Variants in VAV3 observed in about 807,000 individuals in gnomAD.
VAV3 encodes guanine nucleotide exchange factor VAV3.
A neutral mutation model predicts 131.2 loss-of-function variants in VAV3; 94 were observed. The ratio of observed to expected loss-of-function variants is 0.72; its 90% confidence interval spans 0.61 to 0.85. The LOEUF is 0.85. VAV3 is among the 40% of genes least tolerant of loss of function. The pLI is 0.00. For synonymous variants in VAV3, 349 were observed against 342.0 expected (o/e 1.02, Z -0.22); for missense variants, 939 against 1,002.7 (o/e 0.94, Z 0.86).
chr1:107,803,848 G>T (rs560664436), intron 2 of VAV3, among the ~76,000 whole-genome samples: 3 of 152,104 alleles, frequency 2.0e-5, no homozygotes, highest in Admixed American at 6.6e-5. Context: ...AGAGTGGAGT[G>T]TTAAAGTCCA....
chr1:107,899,481 G>A (rs1671758448), intron 1 of VAV3, among the ~76,000 whole-genome samples: 1 of 152,170 alleles, frequency 6.6e-6, no homozygotes, highest in Admixed American at 6.5e-5. Flanking sequence ...GCTATAATGG[G>A]ATGCATTGTG....
In VAV3 at chr1:107,749,445, A is replaced by G. The variant is rs374350748; in HGVS notation, c.1392+17T>C. ...AGATTATAAGTAAATTACAGTTATT[A>G]GTTTCCAAAAAGTCACCTTTTTGTT... On this transcript the variant is annotated intron_variant, in intron 14 of 26. Transcript: ENST00000370056. 5 of 1,584,436 alleles carry G rather than the reference A, an allele frequency of 3.2e-6. No individual in the cohort carries two copies. In the African/African-American group the frequency reaches 6.9e-5, roughly 22 times the overall value.
intron 1 of VAV3, among the ~76,000 whole-genome samples, chr1:107,895,173 A>C (rs762831966): frequency 2.6e-5 from 4 of 152,146 alleles, no homozygotes; most frequent in Non-Finnish European, 4.4e-5. Flanking sequence ...GGCTGCAATG[A>C]TCATGAGAAC....
chr1:107,826,178 T>C (rs1668001391), intron 2 of VAV3, among the ~76,000 whole-genome samples: 1 of 152,178 alleles, frequency 6.6e-6, no homozygotes, highest in Non-Finnish European at 1.5e-5. Context: ...TGCCTTGCAA[T>C]GTTGTAAATT....
chr1:107,731,122 T>C (rs904172889), intron 15 of VAV3, among the ~76,000 whole-genome samples: 8 of 152,194 alleles, frequency 5.3e-5, no homozygotes, highest in African/African-American at 1.9e-4. Context: ...TAAATACTCT[T>C]AACATTAAAG....
rs1649658612 is a variant in VAV3 at position 107,576,466 on chromosome 1, A to G, written c.2351-2268T>C. ...AGTTACAAAAGAAAAGCCACAGAACAAAGAGGGGGCTTTGAGAAAGAAAGA... is the reference window on the plus strand; with the variant it reads ...AGTTACAAAAGAAAAGCCACAGAACGAAGAGGGGGCTTTGAGAAAGAAAGA... On this transcript the variant is annotated intron_variant, in intron 25 of 26. Coordinates refer to ENST00000370056, the MANE Select transcript of VAV3 (RefSeq NM_006113.5). 7 of 1,509,022 alleles carry G rather than the reference A, an allele frequency of 4.6e-6. No individual in the cohort carries two copies. The South Asian group carries it at 6.3e-5, about 14-fold the overall frequency. 93.5% of individuals were successfully genotyped at this position (1,509,022 alleles called of 1,614,324 possible). A position where few individuals can be genotyped will look rare whatever the true frequency, so the allele number is the denominator to read the frequency against.
chr1:107,942,370 A>G (rs1168226614), intron 1 of VAV3, among the ~76,000 whole-genome samples: 1 of 152,188 alleles, frequency 6.6e-6, no homozygotes, highest in Non-Finnish European at 1.5e-5. Context: ...TACAAAATGC[A>G]AGACCATATC....
At chr1:107,659,247 T>C (rs999690024) in intron 19 of VAV3, among the ~76,000 whole-genome samples, 6 of 152,152 alleles carry the variant, frequency 3.9e-5, no homozygotes, top group African/African-American at 1.4e-4. Context: ...AGCATTTTTA[T>C]GTTAAGATAT....
intron 25 of VAV3, among the ~76,000 whole-genome samples, chr1:107,591,743 C>A (rs1042890399): frequency 1.3e-5 from 2 of 152,138 alleles, no homozygotes; most frequent in Admixed American, 1.3e-4. Flanking sequence ...CAAATGTTAA[C>A]ATTTTATGAT....
chr1:107,698,157 C>G (rs1169010422), intron 17 of VAV3, among the ~76,000 whole-genome samples: 1 of 152,190 alleles, frequency 6.6e-6, no homozygotes, highest in African/African-American at 2.4e-5. Flanking sequence ...AATGAGTTAA[C>G]AATGGTAAAG....
intron 1 of VAV3, among the ~76,000 whole-genome samples, chr1:107,923,492 A>G (rs778914912): frequency 4.0e-5 from 6 of 151,312 alleles, no homozygotes; most frequent in Non-Finnish European, 8.9e-5. Context: ...CACTGCTATT[A>G]AAAAAAAATA....
chr1:107,697,250 C>A (rs1659802480), intron 17 of VAV3, among the ~76,000 whole-genome samples: 1 of 151,940 alleles, frequency 6.6e-6, no homozygotes, highest in African/African-American at 2.4e-5. Context: ...CCCAGCAAAC[C>A]CCGATCTGAG....
At chr1:107,858,540 C>T (rs771326393) in intron 2 of VAV3, among the ~76,000 whole-genome samples, 3 of 152,154 alleles carry the variant, frequency 2.0e-5, no homozygotes, top group Non-Finnish European at 4.4e-5. Context: ...CTGAGCTCTG[C>T]CTAGAGTCAG....
chr1:107,839,283 T>C (rs929948959), intron 2 of VAV3, among the ~76,000 whole-genome samples: 1 of 152,136 alleles, frequency 6.6e-6, no homozygotes, highest in Non-Finnish European at 1.5e-5. Context: ...ATTATAAAAA[T>C]AATTACTGAA....
At chr1:107,614,951 T>G (rs929166926) in intron 21 of VAV3, among the ~76,000 whole-genome samples, 2 of 152,150 alleles carry the variant, frequency 1.3e-5, no homozygotes, top group African/African-American at 4.8e-5. Flanking sequence ...TCCTGCCACC[T>G]GCCTACAGAT....
At chr1:107,605,598 G>C (rs1652199711) in intron 22 of VAV3, among the ~76,000 whole-genome samples, 1 of 152,182 alleles carries the variant, frequency 6.6e-6, no homozygotes, top group African/African-American at 2.4e-5. Context: ...CTTAAAATCT[G>C]AAATTCAGAA....
intron 2 of VAV3, among the ~76,000 whole-genome samples, chr1:107,806,001 GAATGTAC>G (rs1393855478): frequency 6.6e-6 from 1 of 152,126 alleles, no homozygotes; most frequent in African/African-American, 2.4e-5. Context: ...GATATCTGTG[GAATGTAC>G]CACCTATAGC....
At chr1:107,779,364 A>C (rs1665552744) in intron 3 of VAV3, 70 bp downstream of exon 3, 1 of 1,388,354 alleles carries the variant, frequency 7.2e-7, no homozygotes, top group Non-Finnish European at 9.8e-7. Flanking sequence ...CTTCACAAAT[A>C]GTAACCATTT....
At chr1:107,675,680 C>T (rs188675904) in intron 19 of VAV3, among the ~76,000 whole-genome samples, 336 of 152,266 alleles carry the variant, frequency 2.2e-3, no homozygotes, top group African/African-American at 6.1e-3. Flanking sequence ...AAGGATGGCA[C>T]CTTTCTTCAA....
Sources: allele counts gnomAD v4.1 joint callset (sites outside exome capture counted in the v4.1 genomes callset), GRCh38; gene constraint gnomAD v4.1.1; transcripts MANE v1.5; gene names NCBI Gene and HGNC (gene_info 2026-07-23, HGNC 2026-07-21).